Variants in GALNT2 observed in about 807,000 individuals in gnomAD.
The protein encoded by GALNT2 is UDP-GalNAc:polypeptide N-acetylgalactosaminyltransferase 2.
In GALNT2, 31 loss-of-function variants were observed where a neutral mutation model predicts 81.4. The ratio of observed to expected loss-of-function variants is 0.38; its 90% CI spans 0.29 to 0.51. The LOEUF (loss-of-function observed/expected upper bound fraction) is 0.51. GALNT2 is among the 20% of genes least tolerant of loss of function. GALNT2 has a pLI of 0.87. For synonymous variants in GALNT2, 303 were observed against 287.4 expected (o/e 1.05, Z -0.55); for missense variants, 629 against 765.7 (o/e 0.82, Z 2.11).
chr1:230,166,700 A>G (rs754403791), intron 1 of GALNT2, among the ~76,000 whole-genome samples: 1 of 152,124 alleles, frequency 6.6e-6, no homozygotes, highest in Non-Finnish European at 1.5e-5. Flanking sequence ...CTTTCCCCCA[A>G]CTTCCTTGCT....
chr1:230,133,689 A>T (rs1405327348), intron 1 of GALNT2, among the ~76,000 whole-genome samples: 1 of 152,164 alleles, frequency 6.6e-6, no homozygotes, highest in African/African-American at 2.4e-5. Flanking sequence ...TCCTGACCTC[A>T]GGTGATCCGC....
At chr1:230,106,630 A>G (rs893726559) in intron 1 of GALNT2, among the ~76,000 whole-genome samples, 3 of 152,240 alleles carry the variant, frequency 2.0e-5, no homozygotes, top group African/African-American at 7.2e-5. Flanking sequence ...GCTGTATGGC[A>G]GGCATTCGTA....
At chr1:230,249,401 T>G in intron 9 of GALNT2, 130 bp downstream of exon 9, 1 of 702,580 alleles carries the variant, frequency 1.4e-6, no homozygotes, top group Non-Finnish European at 2.4e-6. Flanking sequence ...TCCCCTCGTC[T>G]CAGCTCAAAG....
intron 8 of GALNT2, among the ~76,000 whole-genome samples, 189 bp downstream of exon 8, chr1:230,246,339 C>T (rs1353687933): frequency 6.6e-6 from 1 of 152,192 alleles, no homozygotes; most frequent in Admixed American, 6.5e-5. Flanking sequence ...GGCTTGCTCC[C>T]TTAAAGAGCT....
At chr1:230,200,791 C>G (rs1053409653) in intron 2 of GALNT2, among the ~76,000 whole-genome samples, 1 of 152,188 alleles carries the variant, frequency 6.6e-6, no homozygotes, top group Non-Finnish European at 1.5e-5. Context: ...AGGATGAAAC[C>G]TCTCTCGGGT....
chr1:230,132,490 A>G (rs1411362804), intron 1 of GALNT2, among the ~76,000 whole-genome samples: 2 of 152,128 alleles, frequency 1.3e-5, no homozygotes, highest in Non-Finnish European at 2.9e-5. Flanking sequence ...CACCCCCTCT[A>G]GTTGGGTCTG....
intron 1 of GALNT2, among the ~76,000 whole-genome samples, chr1:230,125,405 G>A (rs151182572): frequency 3.3e-5 from 5 of 152,312 alleles, no homozygotes; most frequent in Middle Eastern, 6.8e-3. Flanking sequence ...GGAGTGTAGC[G>A]AGGCCTGGCT....
intron 1 of GALNT2, among the ~76,000 whole-genome samples, chr1:230,093,812 AG>A (rs1384966583): frequency 4.6e-5 from 7 of 152,230 alleles, no homozygotes; most frequent in African/African-American, 1.7e-4. Flanking sequence ...TTTGCAGCCT[AG>A]GTGTGTAGTA....
chr1:230,065,534 A>C (rs1659153026), upstream of GALNT2, among the ~76,000 whole-genome samples: 1 of 152,216 alleles, frequency 6.6e-6, no homozygotes, highest in African/African-American at 2.4e-5. Context: ...GGTTTTCATC[A>C]GCGAAAATGT....
At chr1:230,215,371 C>T (rs539933030) in intron 3 of GALNT2, among the ~76,000 whole-genome samples, 1 of 152,356 alleles carries the variant, frequency 6.6e-6, no homozygotes, top group Non-Finnish European at 1.5e-5. Context: ...TGGCCTTCCT[C>T]TCTAGGTGCT....
chr1:230,181,347 G>C (rs1418542256), intron 2 of GALNT2, among the ~76,000 whole-genome samples: 5 of 151,848 alleles, frequency 3.3e-5, no homozygotes, highest in African/African-American at 1.2e-4. Context: ...CTATTGATAT[G>C]ATCATGTGAT....
At chr1:230,270,126 G>A (rs368952392) in intron 14 of GALNT2, among the ~76,000 whole-genome samples, 7 of 152,080 alleles carry the variant, frequency 4.6e-5, no homozygotes, top group African/African-American at 1.7e-4. Context: ...ACTTGAACCC[G>A]GGAGGTGGAG....
intron 1 of GALNT2, among the ~76,000 whole-genome samples, chr1:230,163,094 T>C (rs995695768): frequency 1.3e-5 from 2 of 152,218 alleles, no homozygotes; most frequent in African/African-American, 4.8e-5. Flanking sequence ...TCTAAGTCAG[T>C]GGACACGTGA....
At chr1:230,227,491 A>G (rs1664749290) in intron 3 of GALNT2, among the ~76,000 whole-genome samples, 1 of 150,080 alleles carries the variant, frequency 6.7e-6, no homozygotes, top group African/African-American at 2.4e-5. Context: ...TAATATAGCT[A>G]TATATGCTAT....
chr1:230,250,627 T>G, intron 10 of GALNT2, 67 bp downstream of exon 10: 1 of 1,253,092 alleles, frequency 8.0e-7, no homozygotes, highest in African/African-American at 1.5e-5. Flanking sequence ...GGGTGCCAAT[T>G]GGAAAAAAAA....
intron 2 of GALNT2, among the ~76,000 whole-genome samples, chr1:230,201,276 G>A (rs774587909): frequency 1.8e-4 from 27 of 152,060 alleles, no homozygotes; most frequent in Non-Finnish European, 2.9e-4. Context: ...AGCCAGGCTC[G>A]TGGGTTTTGG....
At chr1:230,072,693 G>A (rs1342482800) in intron 1 of GALNT2, among the ~76,000 whole-genome samples, 2 of 152,224 alleles carry the variant, frequency 1.3e-5, no homozygotes, top group African/African-American at 4.8e-5. Flanking sequence ...TAACAGTGGG[G>A]CACTTCCATG....
At chr1:230,104,908 C>T (rs942573450) in intron 1 of GALNT2, among the ~76,000 whole-genome samples, 3 of 152,192 alleles carry the variant, frequency 2.0e-5, no homozygotes, top group Non-Finnish European at 4.4e-5. Flanking sequence ...CCGTTCTAAG[C>T]GTAGGTTTTG....
At chr1:230,270,061 C>T (rs569154727) in intron 14 of GALNT2, among the ~76,000 whole-genome samples, 3 of 152,166 alleles carry the variant, frequency 2.0e-5, no homozygotes, top group Middle Eastern at 3.4e-3. Flanking sequence ...ATTAGCTGGG[C>T]ATGGTAGTGG....
Sources: gnomAD v4.1 joint callset for allele counts (sites outside exome capture counted in the v4.1 genomes callset) on GRCh38, gnomAD v4.1.1 for gene constraint, MANE v1.5 for transcripts, NCBI Gene and HGNC (gene_info 2026-07-23, HGNC 2026-07-21) for gene names.